Variants in CUL7 observed in about 807,000 individuals in gnomAD.
The protein encoded by CUL7 is cullin-7.
CUL7 carries 96 observed loss-of-function variants against 177.7 expected under a neutral mutation model. The observed-to-expected ratio is 0.54, with a 90% CI of 0.46 to 0.64. The LOEUF is 0.64. Among genes scored for constraint, CUL7 ranks in the 30% least tolerant of loss-of-function variants. The pLI is 0.00. For missense variants in CUL7, 1,893 were observed against 2,187.9 expected, an observed-to-expected ratio of 0.87 and a Z score of 2.69; for synonymous variants, 824 against 890.2, an observed-to-expected ratio of 0.93 and a Z score of 1.32.
Position 43,048,171 on chromosome 6 carries a change from G to A in CUL7, c.2146C>T (p.Arg716Trp), listed in dbSNP as rs753407734. ...ACCTCTCGATCAGTGTTTGGGGACCGCAGGCAGGCCATGCAGGCATCCACG... is the reference window on the plus strand; with the variant it reads ...ACCTCTCGATCAGTGTTTGGGGACCACAGGCAGGCCATGCAGGCATCCACG... ...EAVDACMACL[R>W]SPNTDREVLQ... Residue 716 changes from arginine to tryptophan, a missense_variant, in exon 9 of 26, where the codon CGG (arginine) becomes TGG (tryptophan). By Grantham distance (101) the Arg-to-Trp change is moderately radical. Around this residue, in one of 5 missense-constraint regions of CUL7, gnomAD observed 973 missense variants for 1,140.9 expected, o/e 0.85. Transcript: ENST00000265348. 3.4e-5 allele frequency: 55 copies of A among 1,612,488 alleles called. No homozygotes were observed. The highest frequency in any genetic ancestry group is 1.8e-4 in the South Asian group (16 of 91,054).
rs1215280715 is a variant in CUL7, at chr6:43,050,428, G to A, written c.1234-30C>T. On this transcript the variant is annotated intron_variant, in intron 4 of 25. Transcript: ENST00000265348. This position sits in a 1 kb window ranked among gnomAD's most constrained non-coding sequence, Gnocchi z 4.1. Reference sequence around the variant, plus strand: ...AGCATAGGGAAAGAAAGAGGGAAGGGGAAGGGAGGACTCACAAATGACTGG... The same window carrying A: ...AGCATAGGGAAAGAAAGAGGGAAGGAGAAGGGAGGACTCACAAATGACTGG... 4 of 1,613,530 alleles carry A rather than the reference G, an allele frequency of 2.5e-6. No individual in the cohort carries two copies. The highest frequency in any genetic ancestry group is 3.3e-5 in the Admixed American group (2 of 60,012).
In CUL7 at chr6:43,053,146, T is replaced by C. The variant is rs141747653; in HGVS notation, c.-8-350A>G. Among the ~76,000 whole-genome samples, 2 of 152,078 alleles carry C rather than the reference T, an allele frequency of 1.3e-5. No homozygotes were observed. Among genetic ancestry groups the C allele is most frequent in the Admixed American group, 6.5e-5 (1 of 15,276 alleles). The stretch of plus-strand genomic sequence containing the variant: ...GGAACAGGCAGCAACCTATGGGGTA[T>C]GTGAAGCCCAGAGGGGTATGTTTGG... On this transcript the variant is annotated intron_variant, in intron 1 of 25. Transcript: ENST00000265348. The surrounding 1 kb of genome is among the most constrained non-coding windows in gnomAD (Gnocchi z 4.1).
chr6:43,042,940 C>G lies in CUL7; in HGVS notation c.3507G>C (p.Val1169=). The G allele has an allele frequency of 5.0e-6, 8 of 1,614,166 alleles. No homozygotes were observed. Among genetic ancestry groups the G allele is most frequent in the Non-Finnish European group, 6.8e-6 (8 of 1,180,024 alleles). The part of the protein sequence containing the change: ...LTSSWRDDDF[V]PRYCEHFNIL... ...TATTAAAGTGCTCACAGTAGCGTGG[C>G]ACAAAGTCATCATCCCGCCAGGATG... The change falls in exon 19 of 26, where the codon GTG becomes GTC. Residue 1169 remains valine (V), a synonymous_variant. Transcript: ENST00000265348.
intron 22 of CUL7, among the ~76,000 whole-genome samples, chr6:43,039,595 C>T (rs1763237035): frequency 6.6e-6 from 1 of 152,140 alleles, no homozygotes; most frequent in Non-Finnish European, 1.5e-5. Flanking sequence ...CAGCACCTGC[C>T]ACCCCCAGCC....
chr6:43,047,072 C>T lies in CUL7; in HGVS notation c.2205G>A (p.Leu735=). The change falls in exon 10 of 26, where the codon CTG becomes CTA. Residue 735 remains leucine (L), a synonymous_variant. Coordinates refer to ENST00000265348, the MANE Select transcript of CUL7 (RefSeq NM_014780.5). ...CGGCATAGTCCCTGCTCACTGAGGT[C>T]AGGCGGTGCAGGAAGAAAATCAGTT... ...LQELIFFLHR[L]TSVSRDYAVV... 1.2e-6 allele frequency: 2 copies of T among 1,612,992 alleles called. No homozygotes were observed. Among genetic ancestry groups the T allele is most frequent in the Non-Finnish European group, 1.7e-6 (2 of 1,179,014 alleles).
Position 43,041,001 on chromosome 6 carries a change from C to T in CUL7, c.3720G>A (p.Glu1240=). ...GGCATTGCTGCAGCTGTGCCAGCCTCTCCATTTCCTGGGCTCCACCGATCC... is the reference window on the plus strand; with the variant it reads ...GGCATTGCTGCAGCTGTGCCAGCCTTTCCATTTCCTGGGCTCCACCGATCC... The part of the protein sequence containing the change: ...GSRIGGAQEM[E]RLAQLQQCLQ... Residue 1240 remains glutamate (E), a synonymous_variant, in exon 20 of 26, where the codon GAG becomes GAA. Transcript: ENST00000265348. 1 of 1,613,754 alleles carries T rather than the reference C, an allele frequency of 6.2e-7. No homozygotes were observed. The highest frequency in any genetic ancestry group is 8.5e-7 in the Non-Finnish European group (1 of 1,179,872).
In CUL7 at chr6:43,043,433, A is replaced by G. The variant is rs745408822; in HGVS notation, c.3355+15T>C. The G allele has an allele frequency of 1.9e-6, 3 of 1,613,148 alleles. No homozygotes were observed. The highest frequency in any genetic ancestry group is 2.5e-6 in the Non-Finnish European group (3 of 1,179,534). On this transcript the variant is annotated intron_variant, in intron 17 of 25. Transcript: ENST00000265348. The surrounding 1 kb of genome is among the most constrained non-coding windows in gnomAD (Gnocchi z 4.2). ...CTCCTGACTAGAGCTCCCCACCTGA[A>G]TCTCCACTACTCACTGGGCCGAGGA... is the stretch of plus-strand genomic sequence containing the variant.
rs1477658389 is a variant in CUL7 at position 43,049,961 on chromosome 6, A to G, written c.1569+2T>C. On this transcript the variant is annotated splice_donor_variant, in intron 6 of 25. Coordinates refer to ENST00000265348, the MANE Select transcript of CUL7 (RefSeq NM_014780.5). LOFTEE classifies it high-confidence loss of function. Reference sequence around the variant, plus strand: ...CTCTGAGTGTCTCCAGGCTGGCTCTACCTCCCCATCTAGGTTCTCCTGGAG... The same window carrying G: ...CTCTGAGTGTCTCCAGGCTGGCTCTGCCTCCCCATCTAGGTTCTCCTGGAG... 16 of 1,613,304 alleles carry G rather than the reference A, an allele frequency of 9.9e-6. No homozygotes were observed. The highest frequency in any genetic ancestry group is 1.3e-5 in the African/African-American group (1 of 74,790).
rs1561874401 is a variant in CUL7 at position 43,040,516 on chromosome 6, T to A, written c.4023+14A>T. The A allele has an allele frequency of 6.2e-7, 1 of 1,613,808 alleles. No individual in the cohort carries two copies. The highest frequency in any genetic ancestry group is 8.5e-7 in the Non-Finnish European group (1 of 1,179,994). ...CCTACCCTCTTATTTGCTTATCCCTTCCAAGGCACTCACCTGTATTTTCTT... is the reference window on the plus strand; with the variant it reads ...CCTACCCTCTTATTTGCTTATCCCTACCAAGGCACTCACCTGTATTTTCTT... On this transcript the variant is annotated intron_variant, in intron 21 of 25. Transcript: ENST00000265348. The surrounding 1 kb of genome is among the most constrained non-coding windows in gnomAD (Gnocchi z 4.2).
In CUL7 at chr6:43,044,894, G is replaced by T; in HGVS notation, c.3039-9C>A. ...GCAGAGCACCGTTGAGTCTGGGGGT[G>T]AGAATGGAGGAGGAAGGTGTCAGGG... On this transcript the variant is annotated splice_polypyrimidine_tract_variant and intron_variant, in intron 15 of 25. Coordinates refer to ENST00000265348, the MANE Select transcript of CUL7 (RefSeq NM_014780.5). 6.2e-7 allele frequency: 1 copy of T among 1,611,368 alleles called. No individual in the cohort carries two copies. The highest frequency in any genetic ancestry group is 8.5e-7 in the Non-Finnish European group (1 of 1,177,788).
Position 43,046,226 on chromosome 6 carries a change from G to C in CUL7, c.2660+10C>G. 1 of 1,614,222 alleles carries C rather than the reference G, an allele frequency of 6.2e-7. No homozygotes were observed. The highest frequency in any genetic ancestry group is 8.5e-7 in the Non-Finnish European group (1 of 1,180,042). On this transcript the variant is annotated intron_variant, in intron 12 of 25. Transcript: ENST00000265348. ...ACGTGTGTGGCAAAGCACATGTGTGGGAGAGTTACCTGATGAGGATGCCCC... is the reference window on the plus strand; with the variant it reads ...ACGTGTGTGGCAAAGCACATGTGTGCGAGAGTTACCTGATGAGGATGCCCC...
rs368539088 is a variant in CUL7, at chr6:43,038,327, G to A, written c.4713C>T (p.Ile1571=). The A allele has an allele frequency of 4.1e-5, 66 of 1,614,038 alleles. No individual in the cohort carries two copies. The highest frequency in any genetic ancestry group is 8.0e-5 in the African/African-American group (6 of 74,914). Residue 1571 remains isoleucine (I), a synonymous_variant, in exon 25 of 26, where the codon ATC becomes ATT. Transcript: ENST00000265348. ...EKRRNLLNCL[I]VRILKAHGDE... ...CTCCATGGGCCTTGAGGATTCGGAC[G>A]ATGAGGCAGTTCAGAAGATTCCGTC...
chr6:43,042,772 C>T (rs1186858075), intron 19 of CUL7, 30 bp downstream of exon 19: 1 of 1,527,400 alleles, frequency 6.5e-7, no homozygotes, highest in South Asian at 1.1e-5. Context: ...TCGGAAGAGA[C>T]CCAAGGATGA....
At chr6:43,038,040 T>C (rs1763098446) in intron 25 of CUL7, 29 bp from the exon 26 acceptor site, 1 of 1,575,280 alleles carries the variant, frequency 6.3e-7, no homozygotes, top group Non-Finnish European at 8.6e-7. Context: ...GGAGAAGCGG[T>C]AGTTTAGAGG....
Position 43,051,978 on chromosome 6 carries a change from A to T in CUL7, c.581-215T>A, listed in dbSNP as rs1408284437. On this transcript the variant is annotated intron_variant, in intron 2 of 25. Transcript: ENST00000265348. This position sits in a 1 kb window ranked among gnomAD's most constrained non-coding sequence, Gnocchi z 5.0. ...TCTAAACTCTAAATTCTTCCTTTGC[A>T]TAAAAAGCAACTAATTAATATGAGG... The T allele has an allele frequency of 1.5e-5, 14 of 942,818 alleles. No homozygotes were observed. Among genetic ancestry groups the T allele is most frequent in the Non-Finnish European group, 2.1e-5 (13 of 633,280 alleles). The allele number at this position is 942,818 out of a possible 1,614,324, so 58.4% of individuals were successfully genotyped here. A position where few individuals can be genotyped will look rare whatever the true frequency, so the allele number is the denominator to read the frequency against.
At chr6:43,047,209 TA>T in intron 9 of CUL7, 102 bp from the exon 10 acceptor site, 2 of 756,788 alleles carry the variant, frequency 2.6e-6, no homozygotes, top group Non-Finnish European at 4.9e-6. Flanking sequence ...TACTGGGTGC[TA>T]GGGGTGCTAC....
In CUL7 at chr6:43,043,707, T is replaced by C; in HGVS notation, c.3173-77A>G. On this transcript the variant is annotated intron_variant, in intron 16 of 25. Transcript: ENST00000265348. This position sits in a 1 kb window ranked among gnomAD's most constrained non-coding sequence, Gnocchi z 4.2. ...GGAGTGGTTGGGCTGAACAGGAGTG[T>C]GGAGATAGAGCAACTGGACGGAATG... The C allele has an allele frequency of 4.1e-6, 4 of 968,576 alleles. No individual in the cohort carries two copies. Among genetic ancestry groups the C allele is most frequent in the Non-Finnish European group, 6.5e-6 (4 of 614,330 alleles). 60.0% of individuals were successfully genotyped at this position (968,576 alleles called of 1,614,324 possible).
chr6:43,040,333 C>G lies in CUL7; in HGVS notation c.4117G>C (p.Glu1373Gln), dbSNP rs1291854831. ...AVVDVAEGEE[E>Q]EEENEDLYYE... is the part of the protein sequence containing the mutation. ...TAGAGGTCCTCATTCTCCTCCTCTT[C>G]CTCCTCTCCCTCCGCCACATCCACC... The change falls in exon 22 of 26, where the codon GAA (glutamate) becomes CAA (glutamine). Residue 1373 changes from glutamate to glutamine, a missense_variant. Glu to Gln is a conservative substitution (Grantham distance 29). Around this residue, in one of 5 missense-constraint regions of CUL7, gnomAD observed 973 missense variants for 1,140.9 expected, o/e 0.85. Transcript: ENST00000265348. The surrounding 1 kb of genome is among the most constrained non-coding windows in gnomAD (Gnocchi z 4.2). 4 of 1,613,724 alleles carry G rather than the reference C, an allele frequency of 2.5e-6. No individual in the cohort carries two copies. Among genetic ancestry groups the G allele is most frequent in the Middle Eastern group, 1.6e-4 (1 of 6,084 alleles).
Position 43,038,890 on chromosome 6 carries a change from A to C in CUL7, c.4392T>G (p.His1464Gln), listed in dbSNP as rs986108755. 2 of 1,614,066 alleles carry C rather than the reference A, an allele frequency of 1.2e-6. No homozygotes were observed. The highest frequency in any genetic ancestry group is 1.1e-5 in the South Asian group (1 of 91,080). Reference protein sequence around the residue: ...AELQFGNQTLHVSTVQMWLLL... With the variant: ...AELQFGNQTLQVSTVQMWLLL... ...GTAGCCACATCTGCACGGTGGACAC[A>C]TGCAGGGTCTGGTTCCCAAACTGCA... Residue 1464 changes from histidine to glutamine, a missense_variant, in exon 23 of 26, where the codon CAT becomes CAG. Physicochemically the swap from His to Gln is conservative, Grantham distance 24. Around this residue, in one of 5 missense-constraint regions of CUL7, gnomAD observed 973 missense variants for 1,140.9 expected, o/e 0.85. Transcript: ENST00000265348.
Sources: allele counts gnomAD v4.1 joint callset (sites outside exome capture counted in the v4.1 genomes callset), GRCh38; gene constraint gnomAD v4.1.1; regional missense constraint gnomAD v4.1.1; non-coding constraint Gnocchi (gnomAD v3.1); transcripts MANE v1.5; gene names NCBI Gene and HGNC (gene_info 2026-07-23, HGNC 2026-07-21).